ZDHHC7: variants seen among roughly 807,000 people sequenced by gnomAD.
The protein encoded by ZDHHC7 is zDHHC palmitoyltransferase 7.
In ZDHHC7, 12 loss-of-function variants were observed where a neutral mutation model predicts 34.1. The observed-to-expected ratio is 0.35, with a 90% confidence interval of 0.23 to 0.57. The LOEUF (loss-of-function observed/expected upper bound fraction) is 0.57. ZDHHC7 is among the 20% of genes least tolerant of loss of function. ZDHHC7 has a pLI of 0.84. For missense variants in ZDHHC7, 388 were observed against 402.7 expected (o/e 0.96, Z 0.31); for synonymous variants, 185 against 155.4 (o/e 1.19, Z -1.42).
chr16:84,999,505 T>G (rs2072626327), intron 1 of ZDHHC7, among the ~76,000 whole-genome samples: 1 of 152,180 alleles, frequency 6.6e-6, no homozygotes, highest in Non-Finnish European at 1.5e-5. Context: ...CATTGGTGTA[T>G]TCATATAATG....
Position 84,975,304 on chromosome 16 carries a change from G to A in ZDHHC7, c.*1039C>T, listed in dbSNP as rs1166408906. 6.6e-6 allele frequency: 1 copy of A among 152,490 alleles called. No homozygotes were observed. The highest frequency in any genetic ancestry group is 1.5e-5 in the Non-Finnish European group (1 of 68,046). 9.4% of individuals were successfully genotyped at this position (152,490 alleles called of 1,614,324 possible). A position where few individuals can be genotyped will look rare whatever the true frequency, so the allele number is the denominator to read the frequency against. On this transcript the variant is annotated 3_prime_UTR_variant, in exon 8 of 8. Transcript: ENST00000313732. ...TCATGGTCCCCTCCCCTTCCCAGAG[G>A]TGCCCAATGGCTGGGCCCTGCCTCT... is the stretch of plus-strand genomic sequence containing the variant.
At chr16:84,977,298 A>C (rs543461064) in intron 6 of ZDHHC7, 73 bp from the exon 7 acceptor site, 1 of 1,580,910 alleles carries the variant, frequency 6.3e-7, no homozygotes, top group Admixed American at 1.7e-5. Context: ...CTCAGAGAAG[A>C]ATCCTCTAGG....
intron 1 of ZDHHC7, among the ~76,000 whole-genome samples, chr16:85,004,389 C>T (rs2072691108): frequency 6.6e-6 from 1 of 152,130 alleles, no homozygotes; most frequent in Non-Finnish European, 1.5e-5. Flanking sequence ...AGTCCTCTCT[C>T]TACTCTCATG....
chr16:84,979,042 A>C, intron 5 of ZDHHC7, 147 bp downstream of exon 5: 1 of 719,962 alleles, frequency 1.4e-6, no homozygotes, highest in Non-Finnish European at 2.2e-6. Flanking sequence ...CTTCCTGCCA[A>C]TGACAGCACA....
rs966598523 is a variant in ZDHHC7, at chr16:85,005,225, C to A, written c.-104+6061G>T. 3.3e-5 allele frequency among the ~76,000 whole-genome samples: 5 copies of A among 152,250 alleles called. 1 individual carries two copies. Among genetic ancestry groups the A allele is most frequent in the Admixed American group, 3.3e-4 (5 of 15,284 alleles). On this transcript the variant is annotated intron_variant, in intron 1 of 7. Transcript: ENST00000313732. ...GCCTCAATCAGGCTGGTATTCCCAA[C>A]CTCCTTCCCTGTCTTCCTAGAGTTT...
intron 2 of ZDHHC7, among the ~76,000 whole-genome samples, chr16:84,993,780 G>A (rs1221464492): frequency 2.0e-5 from 3 of 152,134 alleles, no homozygotes; most frequent in Non-Finnish European, 4.4e-5. Context: ...TACATCTTCT[G>A]CATCTGTCTG....
At chr16:85,016,647 G>A in the ZDHHC7 span, among the ~76,000 whole-genome samples, 1 of 150,470 alleles carries the variant, frequency 6.6e-6, no homozygotes, top group Admixed American at 6.6e-5. Flanking sequence ...AAAGATTGAG[G>A]GTGATGGCCA....
At chr16:85,013,169 GT>G (rs570145116), upstream of ZDHHC7, among the ~76,000 whole-genome samples, 447 of 152,156 alleles carry the variant, frequency 2.9e-3, 2 homozygotes, top group African/African-American at 0.01. Context: ...CCTTTCCATA[GT>G]TTGCCACTTT....
rs536776613 is a variant in ZDHHC7, at chr16:85,010,014, T to C, written c.-104+1272A>G. Among the ~76,000 whole-genome samples, 177 of 150,952 alleles carry C rather than the reference T, an allele frequency of 1.2e-3. 1 individual carries two copies. The highest frequency in any genetic ancestry group is 3.2e-3 in the African/African-American group (131 of 40,988). On this transcript the variant is annotated intron_variant, in intron 1 of 7. Transcript: ENST00000313732. ...TGAGCCACTGTGCCTGGCCAAGTTC[T>C]GACTTTTAACAAGCGAATTTAACAA...
chr16:84,988,784 C>T (rs191332011), intron 3 of ZDHHC7: 264 of 1,551,684 alleles, frequency 1.7e-4, no homozygotes, highest in Admixed American at 4.3e-4. Context: ...TTTGCACAGA[C>T]TCGGTTCCCT....
intron 3 of ZDHHC7, among the ~76,000 whole-genome samples, chr16:84,989,144 C>T (rs2072475562): frequency 6.6e-6 from 1 of 152,156 alleles, no homozygotes; most frequent in Non-Finnish European, 1.5e-5. Flanking sequence ...AAGACTCCAC[C>T]ATCAGATCAG....
intron 5 of ZDHHC7, 26 bp from the exon 6 acceptor site, chr16:84,978,031 T>A (rs1205783615): frequency 3.2e-6 from 5 of 1,565,630 alleles, no homozygotes; most frequent in Non-Finnish European, 4.4e-6. Context: ...GATTGGTTAG[T>A]CACTTTTATT....
rs547201993 is a variant in ZDHHC7 at position 84,975,740 on chromosome 16, C to G, written c.*603G>C. The G allele has an allele frequency of 1.3e-5, 2 of 153,868 alleles. No individual in the cohort carries two copies. The highest frequency in any genetic ancestry group is 2.0e-4 in the South Asian group (1 of 4,886). 9.5% of individuals were successfully genotyped at this position (153,868 alleles called of 1,614,324 possible). A position where few individuals can be genotyped will look rare whatever the true frequency, so the allele number is the denominator to read the frequency against. ...ACATGCACACACGCGCGCACACGCA[C>G]AGACACGCACACACACAGACTTGCT... On this transcript the variant is annotated 3_prime_UTR_variant, in exon 8 of 8. Coordinates refer to ENST00000313732, the MANE Select transcript of ZDHHC7 (RefSeq NM_017740.3).
the ZDHHC7 span, among the ~76,000 whole-genome samples, chr16:85,026,240 C>G: frequency 6.6e-6 from 1 of 152,188 alleles, no homozygotes. Flanking sequence ...TTTATTCAGC[C>G]ACAGCATCCA....
In ZDHHC7 at chr16:84,990,646, G is replaced by C; in HGVS notation, c.-17-11C>G. 1 of 1,603,678 alleles carries C rather than the reference G, an allele frequency of 6.2e-7. No homozygotes were observed. Among genetic ancestry groups the C allele is most frequent in the Non-Finnish European group, 8.5e-7 (1 of 1,174,614 alleles). Reference sequence around the variant, plus strand: ...TTTCCCTGACGCACCCTGGGGAGGGGGACGACACAGAGCTGGTAAGGCTCA... The same window carrying C: ...TTTCCCTGACGCACCCTGGGGAGGGCGACGACACAGAGCTGGTAAGGCTCA... On this transcript the variant is annotated splice_polypyrimidine_tract_variant and intron_variant, in intron 2 of 7. Transcript: ENST00000313732.
At chr16:84,983,508 G>A (rs552995937) in intron 3 of ZDHHC7, among the ~76,000 whole-genome samples, 1 of 152,260 alleles carries the variant, frequency 6.6e-6, no homozygotes, top group South Asian at 2.1e-4. Flanking sequence ...AGGCAGGGGG[G>A]CCCCAGGGCA....
At chr16:85,011,099 G>A (rs2082704972) in intron 1 of ZDHHC7, among the ~76,000 whole-genome samples, 187 bp downstream of exon 1, 1 of 152,226 alleles carries the variant, frequency 6.6e-6, no homozygotes, top group African/African-American at 2.4e-5. Flanking sequence ...GAATGACAAG[G>A]GGGCACCTGG....
intron 2 of ZDHHC7, among the ~76,000 whole-genome samples, chr16:84,995,538 A>C (rs1185828777): frequency 6.6e-6 from 1 of 152,204 alleles, no homozygotes; most frequent in East Asian, 1.9e-4. Context: ...AGGCAGAAGA[A>C]TCACTTGAAC....
chr16:85,002,183 T>C (rs745801685), intron 1 of ZDHHC7, among the ~76,000 whole-genome samples: 10 of 151,948 alleles, frequency 6.6e-5, no homozygotes, highest in Non-Finnish European at 1.3e-4. Context: ...AATAGACAAA[T>C]ACCCAGCGCC....
Sources: allele counts gnomAD v4.1 joint callset (sites outside exome capture counted in the v4.1 genomes callset), GRCh38; gene constraint gnomAD v4.1.1; transcripts MANE v1.5; gene names NCBI Gene and HGNC (gene_info 2026-07-23, HGNC 2026-07-21).